Variants in LRRC59 observed in about 807,000 individuals in gnomAD.
LRRC59 encodes leucine-rich repeat-containing protein 59.
Under a neutral mutation model 33.5 loss-of-function variants are expected in LRRC59, and 18 were observed. The observed-to-expected ratio is 0.54, with a 90% confidence interval of 0.37 to 0.80. The LOEUF is 0.80. Ranked by LOEUF, LRRC59 falls within the 30% of genes least tolerant of loss-of-function variation. The probability of loss-of-function intolerance (pLI) is 0.00; values close to 1 mark genes in which losing one functional copy is unlikely to be tolerated. For synonymous variants in LRRC59, 138 were observed against 160.0 expected (o/e 0.86, Z 1.04); for missense variants, 330 against 391.9 (o/e 0.84, Z 1.33).
intron 5 of LRRC59, among the ~76,000 whole-genome samples, chr17:50,387,510 G>T (rs895837844): frequency 6.6e-6 from 1 of 152,170 alleles, no homozygotes; most frequent in African/African-American, 2.4e-5. Context: ...GTTGTAAAAA[G>T]ATCTCCCAGA....
intron 1 of LRRC59, chr17:50,396,741 G>A (rs1914282361): frequency 5.6e-6 from 1 of 179,360 alleles, no homozygotes; most frequent in African/African-American, 2.3e-5. Context: ...CTTTCTTCGA[G>A]TTAGGCTGCC....
In LRRC59 at chr17:50,397,251, T is replaced by A; in HGVS notation, c.67A>T (p.Ser23Cys). 1 of 1,608,328 alleles carries A rather than the reference T, an allele frequency of 6.2e-7. No individual in the cohort carries two copies. The highest frequency in any genetic ancestry group is 8.5e-7 in the Non-Finnish European group (1 of 1,177,794). ...DKLDGNELDL[S>C]LSDLNEVPVK... ...GGGACCTCATTCAGGTCGCTGAGGCTCAGGTCCAGTTCGTTGCCGTCCAGC... is the reference window on the plus strand; with the variant it reads ...GGGACCTCATTCAGGTCGCTGAGGCACAGGTCCAGTTCGTTGCCGTCCAGC... The change falls in exon 1 of 7, where the codon AGC becomes TGC. Residue 23 changes from serine to cysteine, a missense_variant. Physicochemically the swap from Ser to Cys is moderately radical, Grantham distance 112. Transcript: ENST00000225972.
At chr17:50,384,037 C>G (rs1197599196) in intron 6 of LRRC59, among the ~76,000 whole-genome samples, 3 of 151,178 alleles carry the variant, frequency 2.0e-5, no homozygotes, top group Non-Finnish European at 4.4e-5. Context: ...ACTCTCTGTA[C>G]AGAGCTCCTT....
chr17:50,394,856 CT>C (rs1567822812), intron 2 of LRRC59, 72 bp downstream of exon 2: 6 of 1,108,360 alleles, frequency 5.4e-6, no homozygotes, highest in African/African-American at 1.6e-5. Flanking sequence ...TCCCACCCCC[CT>C]CTCAACCCCC....
At chr17:50,388,165 C>G in intron 4 of LRRC59, 33 bp from the exon 5 acceptor site, 1 of 1,594,708 alleles carries the variant, frequency 6.3e-7, no homozygotes, top group South Asian at 1.1e-5. Flanking sequence ...TAGTGCTCTT[C>G]ATAGTCATGT....
chr17:50,394,628 T>C (rs1024410313), intron 2 of LRRC59, among the ~76,000 whole-genome samples: 3 of 152,134 alleles, frequency 2.0e-5, no homozygotes, highest in African/African-American at 7.2e-5. Flanking sequence ...AGGAATAAAA[T>C]AATGTAGAAA....
Position 50,382,781 on chromosome 17 carries a change from CGCCA to C in LRRC59, c.*203_*206del. 1 of 618,134 alleles carries C rather than the reference CGCCA, an allele frequency of 1.6e-6. No homozygotes were observed. Among genetic ancestry groups the C allele is most frequent in the Non-Finnish European group, 2.7e-6 (1 of 375,378 alleles). The allele number at this position is 618,134 out of a possible 1,614,324, so 38.3% of individuals were successfully genotyped here. On this transcript the variant is annotated 3_prime_UTR_variant, in exon 7 of 7. Transcript: ENST00000225972. ...CAGGTAACTGCCCCCCACGCCCCCC[CGCCA>C]CCTCCCATTTCTCCTCATTCCTTCA...
chr17:50,395,092 A>C (rs1273612983), intron 1 of LRRC59, 104 bp from the exon 2 acceptor site: 2 of 756,384 alleles, frequency 2.6e-6, no homozygotes, highest in African/African-American at 1.7e-5. Flanking sequence ...ATGATTAGGA[A>C]AGGCCTTTTA....
chr17:50,385,319 TTC>T (rs1401984988), intron 5 of LRRC59, 28 bp from the exon 6 acceptor site: 5 of 1,607,562 alleles, frequency 3.1e-6, no homozygotes, highest in Admixed American at 1.7e-5. Flanking sequence ...AAAATTTGAC[TTC>T]TCTCTCACAA....
At chr17:50,384,649 C>T (rs1311708282) in intron 6 of LRRC59, among the ~76,000 whole-genome samples, 2 of 151,756 alleles carry the variant, frequency 1.3e-5, no homozygotes, top group Admixed American at 1.3e-4. Flanking sequence ...CCTGTAATCC[C>T]AGCTACTTTG....
chr17:50,383,009 G>A lies in LRRC59; in HGVS notation c.903C>T (p.Leu301=), dbSNP rs749080506. ...AAGCTCACTGCTGAGAGTCGGTCTGGAGGACCCACTGGAGGATCTCATGGC... is the reference window on the plus strand; with the variant it reads ...AAGCTCACTGCTGAGAGTCGGTCTGAAGGACCCACTGGAGGATCTCATGGC... The part of the protein sequence containing the change: ...LRRHEILQWV[L]QTDSQQ The change falls in exon 7 of 7, where the codon CTC becomes CTT. Residue 301 remains leucine, a synonymous_variant. Coordinates refer to ENST00000225972, the MANE Select transcript of LRRC59 (RefSeq NM_018509.4). 5.6e-6 allele frequency: 9 copies of A among 1,612,942 alleles called. No individual in the cohort carries two copies. Among genetic ancestry groups the A allele is most frequent in the Non-Finnish European group, 7.6e-6 (9 of 1,179,996 alleles).
At chr17:50,384,657 T>C (rs951807156) in intron 6 of LRRC59, among the ~76,000 whole-genome samples, 4 of 151,702 alleles carry the variant, frequency 2.6e-5, no homozygotes, top group East Asian at 3.9e-4. Flanking sequence ...CCCAGCTACT[T>C]TGGAGGTTGA....
chr17:50,390,417 G>A (rs905936306), intron 4 of LRRC59, among the ~76,000 whole-genome samples: 3 of 151,886 alleles, frequency 2.0e-5, no homozygotes, highest in Admixed American at 6.6e-5. Context: ...GCTTGAACCC[G>A]GGAGGCGCAG....
In LRRC59 at chr17:50,388,077, C is replaced by T. The variant is rs772789750; in HGVS notation, c.485G>A (p.Arg162Gln). The T allele has an allele frequency of 5.6e-6, 9 of 1,614,092 alleles. No individual in the cohort carries two copies. Among genetic ancestry groups the T allele is most frequent in the Middle Eastern group, 1.6e-4 (1 of 6,084 alleles). ...QADQERERQRRLEVEREAEKK... is the reference protein window; with the variant it reads ...QADQERERQRQLEVEREAEKK... Reference sequence around the variant, plus strand: ...CCACCTACCACGTTCTACTTCCAGCCGCCGCTGCCTCTCCCGCTCCTGATC... The same window carrying T: ...CCACCTACCACGTTCTACTTCCAGCTGCCGCTGCCTCTCCCGCTCCTGATC... Residue 162 changes from arginine to glutamine, a missense_variant, in exon 5 of 7, where the codon CGG (arginine) becomes CAG (glutamine). Arg to Gln is a conservative substitution (Grantham distance 43, BLOSUM62 1). Transcript: ENST00000225972.
chr17:50,391,212 G>A, intron 4 of LRRC59, among the ~76,000 whole-genome samples: 1 of 152,172 alleles, frequency 6.6e-6, no homozygotes, highest in East Asian at 1.9e-4. Context: ...TTCAAAAGAG[G>A]ATTTCACTGA....
At chr17:50,396,944 G>A in intron 1 of LRRC59, 1 of 402,298 alleles carries the variant, frequency 2.5e-6, no homozygotes, top group Non-Finnish European at 4.4e-6. Context: ...GCCCCGCAAA[G>A]GTGACAGATT....
At chr17:50,390,415 C>A (rs1052668340) in intron 4 of LRRC59, among the ~76,000 whole-genome samples, 9 of 151,902 alleles carry the variant, frequency 5.9e-5, no homozygotes, top group African/African-American at 2.2e-4. Flanking sequence ...CTGCTTGAAC[C>A]CGGGAGGCGC....
Position 50,384,838 on chromosome 17 carries a change from C to G in LRRC59, c.676+280G>C, listed in dbSNP as rs558445645. ...TCTCAATGATTTTAGACCCTCACCT[C>G]TAAAAAAAAGTGAGACTCTGTTCTG... On this transcript the variant is annotated intron_variant, in intron 6 of 6. Transcript: ENST00000225972. Among the ~76,000 whole-genome samples the G allele has an allele frequency of 2.6e-5, 4 of 151,950 alleles. No individual in the cohort carries two copies. In the East Asian group the frequency reaches 7.7e-4, roughly 29 times the overall value.
intron 6 of LRRC59, among the ~76,000 whole-genome samples, chr17:50,384,722 G>A (rs1336079679): frequency 1.4e-5 from 2 of 147,186 alleles, no homozygotes; most frequent in African/African-American, 2.5e-5. Flanking sequence ...CCGAGATCAC[G>A]CCATTGCACT....
Sources: gnomAD v4.1 joint callset for allele counts (sites outside exome capture counted in the v4.1 genomes callset) on GRCh38, gnomAD v4.1.1 for gene constraint, MANE v1.5 for transcripts, NCBI Gene and HGNC (gene_info 2026-07-23, HGNC 2026-07-21) for gene names.